DNER: variants seen among roughly 807,000 people sequenced by gnomAD.
DNER encodes delta and Notch-like epidermal growth factor-related receptor.
Under a neutral mutation model 78.2 loss-of-function variants are expected in DNER, and 33 were observed. The observed-to-expected ratio is 0.42, with a 90% confidence interval of 0.32 to 0.56. The LOEUF is 0.56. Ranked by LOEUF, DNER falls within the 20% of genes least tolerant of loss-of-function variation. DNER has a pLI of 0.11. For missense variants in DNER, 918 were observed against 975.3 expected, an observed-to-expected ratio of 0.94 and a Z score of 0.78; for synonymous variants, 417 against 384.8, an observed-to-expected ratio of 1.08 and a Z score of -0.98.
intron 11 of DNER, among the ~76,000 whole-genome samples, chr2:229,386,623 AAG>A (rs1476836785): frequency 1.3e-5 from 2 of 151,262 alleles, no homozygotes; most frequent in African/African-American, 4.9e-5. Context: ...AAAAATTTAC[AAG>A]AAAAAAAAAA....
Position 229,486,322 on chromosome 2 carries a change from C to A in DNER, c.1148-9069G>T, listed in dbSNP as rs532184613. Among the ~76,000 whole-genome samples the A allele has an allele frequency of 5.3e-5, 8 of 151,506 alleles. No homozygotes were observed. In the East Asian group the frequency reaches 1.4e-3, roughly 26 times the overall value. On this transcript the variant is annotated intron_variant, in intron 6 of 12. Coordinates refer to ENST00000341772, the MANE Select transcript of DNER (RefSeq NM_139072.4). ...AGAAAGGAAGATACATGAAGCCCAT[C>A]TATGAAAGACAATAAGTAAAATATA...
rs1427173434 is a variant in DNER at position 229,663,916 on chromosome 2, C to T, written c.276+50232G>A. On this transcript the variant is annotated intron_variant, in intron 1 of 12. Transcript: ENST00000341772. ...AATCTCCACTCTCTGCAGCCTCCACCTCCTCGGCTCAAGCGATTCTCCCAC... is the reference window on the plus strand; with the variant it reads ...AATCTCCACTCTCTGCAGCCTCCACTTCCTCGGCTCAAGCGATTCTCCCAC... 3.3e-5 allele frequency among the ~76,000 whole-genome samples: 5 copies of T among 152,152 alleles called. No homozygotes were observed. The East Asian group carries it at 9.6e-4, about 29-fold the overall frequency.
At chr2:229,556,456 G>A (rs1696857461) in intron 4 of DNER, among the ~76,000 whole-genome samples, 1 of 152,198 alleles carries the variant, frequency 6.6e-6, no homozygotes, top group South Asian at 2.1e-4. Context: ...AAGTAATTCT[G>A]ATGTGTGCTT....
chr2:229,499,156 G>C (rs964262934), intron 6 of DNER, among the ~76,000 whole-genome samples: 2 of 152,062 alleles, frequency 1.3e-5, no homozygotes, highest in African/African-American at 4.8e-5. Flanking sequence ...ACATAAAATG[G>C]GGAACAGGGC....
At chr2:229,435,874 GCAATAT>G (rs1264578356) in intron 8 of DNER, among the ~76,000 whole-genome samples, 2 of 152,074 alleles carry the variant, frequency 1.3e-5, no homozygotes, top group Admixed American at 6.6e-5. Context: ...AATGATTTTG[GCAATAT>G]GTTTATTCAC....
At chr2:229,376,049 T>A (rs538206202) in intron 11 of DNER, among the ~76,000 whole-genome samples, 52 of 152,214 alleles carry the variant, frequency 3.4e-4, no homozygotes, top group Non-Finnish European at 6.6e-4. Context: ...GGTGACTTGC[T>A]TCCCCTTCGC....
chr2:229,449,851 T>G (rs1219974136), intron 7 of DNER, among the ~76,000 whole-genome samples: 2 of 152,246 alleles, frequency 1.3e-5, no homozygotes, highest in Non-Finnish European at 2.9e-5. Flanking sequence ...TGGCACAATC[T>G]TGGCTCACTG....
rs114249018 is a variant in DNER, at chr2:229,627,107, T to C, written c.277-35219A>G. Among the ~76,000 whole-genome samples the C allele has an allele frequency of 8.9e-3, 1,350 of 152,316 alleles. 17 individuals are homozygous for C. Among genetic ancestry groups the C allele is most frequent in the African/African-American group, 0.03 (1,255 of 41,560 alleles). On this transcript the variant is annotated intron_variant, in intron 1 of 12. Coordinates refer to ENST00000341772, the MANE Select transcript of DNER (RefSeq NM_139072.4). Reference sequence around the variant, plus strand: ...TCTTTGTATGCAGTGTAAATCTTTATGGTACCTCAACTTGTACTTCTAGTC... The same window carrying C: ...TCTTTGTATGCAGTGTAAATCTTTACGGTACCTCAACTTGTACTTCTAGTC...
At chr2:229,632,590 A>G (rs2154215796) in intron 1 of DNER, among the ~76,000 whole-genome samples, 1 of 152,322 alleles carries the variant, frequency 6.6e-6, no homozygotes, top group East Asian at 1.9e-4. Flanking sequence ...GGAGCAACTC[A>G]CCAAATAATT....
At chr2:229,614,162 A>G (rs908649544) in intron 1 of DNER, among the ~76,000 whole-genome samples, 3 of 152,028 alleles carry the variant, frequency 2.0e-5, no homozygotes, top group East Asian at 1.9e-4. Flanking sequence ...ATGTACCCTA[A>G]AACTTAAAGT....
At chr2:229,574,926 A>C (rs1007354787) in intron 4 of DNER, among the ~76,000 whole-genome samples, 1 of 152,174 alleles carries the variant, frequency 6.6e-6, no homozygotes, top group Non-Finnish European at 1.5e-5. Context: ...AAAGCTTTTG[A>C]CCGTAAGCTG....
intron 1 of DNER, among the ~76,000 whole-genome samples, chr2:229,624,954 T>C (rs903975905): frequency 6.6e-6 from 1 of 152,224 alleles, no homozygotes; most frequent in Non-Finnish European, 1.5e-5. Flanking sequence ...ATTTCAAATA[T>C]GTAAGCAAAA....
chr2:229,594,305 A>G (rs1697663761), intron 1 of DNER, among the ~76,000 whole-genome samples: 1 of 152,160 alleles, frequency 6.6e-6, no homozygotes, highest in Non-Finnish European at 1.5e-5. Flanking sequence ...AGAAGAGCAG[A>G]GGGCCGGGCG....
chr2:229,507,773 T>C (rs1450610293), intron 6 of DNER, among the ~76,000 whole-genome samples: 1 of 152,202 alleles, frequency 6.6e-6, no homozygotes, highest in African/African-American at 2.4e-5. Context: ...AAGACTTTGG[T>C]ATAAAACAAA....
At chr2:229,581,981 T>C (rs1697406503) in intron 4 of DNER, among the ~76,000 whole-genome samples, 1 of 152,202 alleles carries the variant, frequency 6.6e-6, no homozygotes, top group South Asian at 2.1e-4. Flanking sequence ...AGACAGTCAA[T>C]TCCTGAAAGT....
chr2:229,673,532 G>C (rs1699247655), intron 1 of DNER, among the ~76,000 whole-genome samples: 1 of 152,144 alleles, frequency 6.6e-6, no homozygotes, highest in African/African-American at 2.4e-5. Context: ...AACCAGTATA[G>C]ACATGAACAT....
chr2:229,525,181 T>C (rs1696185526), intron 5 of DNER, among the ~76,000 whole-genome samples: 1 of 152,238 alleles, frequency 6.6e-6, no homozygotes, highest in Admixed American at 6.5e-5. Context: ...GGCCTTCTTC[T>C]GTGCATGTAT....
intron 1 of DNER, among the ~76,000 whole-genome samples, chr2:229,694,970 T>C (rs1699639195): frequency 6.6e-6 from 1 of 152,192 alleles, no homozygotes; most frequent in South Asian, 2.1e-4. Context: ...TGCATTGTAG[T>C]TCCCATAATC....
chr2:229,457,405 G>T (rs910756837), intron 7 of DNER, among the ~76,000 whole-genome samples: 1 of 151,924 alleles, frequency 6.6e-6, no homozygotes, highest in Admixed American at 6.6e-5. Context: ...TTTTACTACC[G>T]TTAGGTTCTT....
Sources: gnomAD v4.1 joint callset for allele counts (sites outside exome capture counted in the v4.1 genomes callset) on GRCh38, gnomAD v4.1.1 for gene constraint, MANE v1.5 for transcripts, NCBI Gene and HGNC (gene_info 2026-07-23, HGNC 2026-07-21) for gene names.